DENND5A: variants seen among roughly 807,000 people sequenced by gnomAD.
DENND5A encodes the protein DENN domain containing 5A.
DENND5A carries 64 observed loss-of-function variants against 140.3 expected under a neutral mutation model. The observed-to-expected ratio is 0.46, with a 90% CI of 0.37 to 0.56. DENND5A has a LOEUF of 0.56. Among genes scored for constraint, DENND5A ranks in the 20% least tolerant of loss-of-function variants. The pLI, the probability that DENND5A is intolerant of heterozygous loss-of-function variation, is 0.00. For synonymous variants in DENND5A, 605 were observed against 607.7 expected (o/e 1.00, Z 0.07); for missense variants, 1,292 against 1,593.8 (o/e 0.81, Z 3.22).
chr11:9,222,567 C>T (rs1850355148), intron 1 of DENND5A, among the ~76,000 whole-genome samples: 1 of 152,062 alleles, frequency 6.6e-6, no homozygotes, highest in Admixed American at 6.6e-5. Flanking sequence ...TATAAATACA[C>T]CACAGAAAAA....
intron 1 of DENND5A, among the ~76,000 whole-genome samples, chr11:9,256,041 G>C (rs1366525410): frequency 1.5e-5 from 2 of 135,248 alleles, no homozygotes; most frequent in African/African-American, 3.0e-5. Flanking sequence ...AAAAAAAAAA[G>C]GTTAAACACA....
At position 9,152,372 on chromosome 11, in the gene DENND5A, C is replaced by T. The variant is rs1005125740; in HGVS notation, c.2507G>A (p.Ser836Asn). ...GACTATCTTACCTGAGGTACTGAGG[C>T]TTCCTGATGTGAGTTTTCTCTGCCG... is the stretch of plus-strand genomic sequence containing the variant. The part of the protein sequence containing the change: ...DNRQRKLTSG[S>N]LSTSGILLDS... Residue 836 changes from serine to asparagine, a missense_variant, in exon 13 of 23, where the codon AGC becomes AAC. Physicochemically the swap from Ser to Asn is conservative, Grantham distance 46. Transcript: ENST00000328194. 3 of 1,612,290 alleles carry T rather than the reference C, an allele frequency of 1.9e-6. No individual in the cohort carries two copies. Among genetic ancestry groups the T allele is most frequent in the Middle Eastern group, 1.7e-4 (1 of 6,058 alleles).
chr11:9,211,908 C>A (rs1412560453), intron 1 of DENND5A, among the ~76,000 whole-genome samples: 1 of 122,648 alleles, frequency 8.2e-6, no homozygotes, highest in Non-Finnish European at 1.6e-5. Context: ...CCACCCTGGG[C>A]AACAGAGCAA....
At chr11:9,168,364 C>T (rs528147652) in intron 10 of DENND5A, among the ~76,000 whole-genome samples, 5 of 152,316 alleles carry the variant, frequency 3.3e-5, no homozygotes, top group Middle Eastern at 3.4e-3. Context: ...CACGTTAAGA[C>T]GTGACTTGCT....
In DENND5A at chr11:9,210,389, CTATG is replaced by C. The variant is rs547850860; in HGVS notation, c.110-2761_110-2758del. ...CAAGAACAATTTCAAAATTAGTCAACTATGTGTGAGTCTATCTTTGTGAATCTGC... is the reference window on the plus strand; with the variant it reads ...CAAGAACAATTTCAAAATTAGTCAACTGTGAGTCTATCTTTGTGAATCTGC... On this transcript the variant is annotated intron_variant, in intron 1 of 22. Coordinates refer to ENST00000328194, the MANE Select transcript of DENND5A (RefSeq NM_015213.4). 1.7e-3 allele frequency among the ~76,000 whole-genome samples: 260 copies of C among 152,320 alleles called. 1 individual carries two copies. Among genetic ancestry groups the C allele is most frequent in the African/African-American group, 6.1e-3 (253 of 41,570 alleles).
chr11:9,150,675 C>G lies in DENND5A; in HGVS notation c.2606+5G>C. On this transcript the variant is annotated splice_donor_5th_base_variant and intron_variant, in intron 14 of 22. Coordinates refer to ENST00000328194, the MANE Select transcript of DENND5A (RefSeq NM_015213.4). ...GTGGCTTATTACATGTGAGCCCATACTGACCTCATATCCTGAATCAGGGAG... is the reference window on the plus strand; with the variant it reads ...GTGGCTTATTACATGTGAGCCCATAGTGACCTCATATCCTGAATCAGGGAG... The G allele has an allele frequency of 6.2e-7, 1 of 1,605,874 alleles. No homozygotes were observed. The highest frequency in any genetic ancestry group is 8.5e-7 in the Non-Finnish European group (1 of 1,173,190).
intron 16 of DENND5A, among the ~76,000 whole-genome samples, 186 bp from the exon 17 acceptor site, chr11:9,146,001 C>T (rs1847419782): frequency 6.6e-6 from 1 of 152,156 alleles, no homozygotes; most frequent in Non-Finnish European, 1.5e-5. Context: ...TAGCCAGCTA[C>T]CCCATGGCCC....
chr11:9,155,453 T>G (rs558034648), intron 12 of DENND5A, among the ~76,000 whole-genome samples: 1 of 152,304 alleles, frequency 6.6e-6, no homozygotes, highest in African/African-American at 2.4e-5. Flanking sequence ...AGGAAGCCCC[T>G]GGCTCACAAT....
chr11:9,169,566 T>G (rs1848303866), intron 10 of DENND5A, among the ~76,000 whole-genome samples: 1 of 151,440 alleles, frequency 6.6e-6, no homozygotes, highest in Non-Finnish European at 1.5e-5. Context: ...TCTCCCAAGT[T>G]TCAGACTCTT....
At chr11:9,161,929 TTATA>T (rs376177231) in intron 11 of DENND5A, among the ~76,000 whole-genome samples, 4 of 148,626 alleles carry the variant, frequency 2.7e-5, no homozygotes, top group Admixed American at 6.7e-5. Context: ...CTCTATTAAA[TTATA>T]TATATATATA....
chr11:9,206,542 A>C (rs1849696828), intron 3 of DENND5A, 131 bp downstream of exon 3: 2 of 694,098 alleles, frequency 2.9e-6, no homozygotes, highest in South Asian at 3.2e-5. Context: ...ATAATAAACA[A>C]TATGCATTAT....
At chr11:9,202,780 G>A (rs139988125) in intron 4 of DENND5A, among the ~76,000 whole-genome samples, 91 of 152,182 alleles carry the variant, frequency 6.0e-4, no homozygotes, top group African/African-American at 2.1e-3. Flanking sequence ...GTCTTAGACC[G>A]TTTATACTTC....
intron 17 of DENND5A, 86 bp downstream of exon 17, chr11:9,145,584 C>T (rs1000663442): frequency 8.1e-5 from 114 of 1,409,496 alleles, no homozygotes; most frequent in Non-Finnish European, 1.0e-4. Flanking sequence ...CATAGCAAGC[C>T]CTCTGAAAAA....
In DENND5A at chr11:9,150,200, C is replaced by G. The variant is rs764823802; in HGVS notation, c.2616G>C (p.Gln872His). The change falls in exon 15 of 23, where the codon CAG becomes CAC. Residue 872 changes from glutamine (Q) to histidine (H), a missense_variant. Physicochemically the swap from Gln to His is conservative, Grantham distance 24. Around this residue, in one of 4 missense-constraint regions of DENND5A, gnomAD observed 498 missense variants for 689.7 expected, o/e 0.72. Transcript: ENST00000328194. The stretch of plus-strand genomic sequence containing the variant: ...CATCAGTCTTGATTTCCCCGATGTT[C>G]TGGATGTGCCTGGAGGAAGAATGTA... ...ISLIQDMRHI[Q>H]NIGEIKTDVG... The G allele has an allele frequency of 1.4e-5, 22 of 1,613,562 alleles. No homozygotes were observed. The highest frequency in any genetic ancestry group is 1.8e-5 in the Non-Finnish European group (21 of 1,179,658).
intron 11 of DENND5A, among the ~76,000 whole-genome samples, chr11:9,165,523 T>C (rs533850715): frequency 6.6e-6 from 1 of 152,262 alleles, no homozygotes; most frequent in South Asian, 2.1e-4. Flanking sequence ...CACTGTAGCC[T>C]TGACTTCCCA....
At chr11:9,234,358 T>C (rs562567463) in intron 1 of DENND5A, among the ~76,000 whole-genome samples, 11 of 151,708 alleles carry the variant, frequency 7.3e-5, no homozygotes, top group African/African-American at 2.7e-4. Flanking sequence ...ATAACCAGTA[T>C]ACAGACAATT....
chr11:9,163,773 CAG>C (rs1848073200), intron 11 of DENND5A, among the ~76,000 whole-genome samples: 1 of 145,526 alleles, frequency 6.9e-6, no homozygotes, highest in African/African-American at 2.6e-5. Flanking sequence ...CACTGTACTC[CAG>C]CCTGGGTGAC....
rs78773113 is a variant in DENND5A at position 9,208,499 on chromosome 11, A to C, written c.110-867T>G. ...TTTACCCTAAATCAATCCCAAAGGC[A>C]CCTCAAAAGTTTCTAAAAGAGAAAA... is the stretch of plus-strand genomic sequence containing the variant. On this transcript the variant is annotated intron_variant, in intron 1 of 22. Transcript: ENST00000328194. Among the ~76,000 whole-genome samples, 1,087 of 152,336 alleles carry C rather than the reference A, an allele frequency of 7.1e-3. 88 individuals carry two copies. In the East Asian group the frequency reaches 0.19, roughly 26 times the overall value.
At position 9,145,176 on chromosome 11, in the gene DENND5A, G is replaced by A. The variant is rs537046459; in HGVS notation, c.3004-63C>T. The A allele has an allele frequency of 5.9e-5, 73 of 1,235,314 alleles. No homozygotes were observed. In the Admixed American group the frequency reaches 6.6e-4, roughly 11 times the overall value. 76.5% of individuals were successfully genotyped at this position (1,235,314 alleles called of 1,614,324 possible). ...ATCAGAGAAAAGAACAGTAGTTCTC[G>A]GAGGCACAGATCTGACTGGCTGCCT... is the stretch of plus-strand genomic sequence containing the variant. On this transcript the variant is annotated intron_variant, in intron 17 of 22. Coordinates refer to ENST00000328194, the MANE Select transcript of DENND5A (RefSeq NM_015213.4).
Sources: allele counts gnomAD v4.1 joint callset (sites outside exome capture counted in the v4.1 genomes callset), GRCh38; gene constraint gnomAD v4.1.1; regional missense constraint gnomAD v4.1.1; transcripts MANE v1.5; gene names NCBI Gene and HGNC (gene_info 2026-07-23, HGNC 2026-07-21).